SLC61A1: variants seen among roughly 807,000 people sequenced by gnomAD.
The protein encoded by SLC61A1 is solute carrier family 61 member 1.
the SLC61A1 span, chr12:53,252,794 T>G: frequency 6.2e-7 from 1 of 1,608,356 alleles, no homozygotes; most frequent in South Asian, 1.1e-5. Context: ...TGGATATGGC[T>G]CTGACTCCCA....
At chr12:53,252,002 G>A in the SLC61A1 span, 2 of 1,278,698 alleles carry the variant, frequency 1.6e-6, no homozygotes, top group East Asian at 5.9e-5. Context: ...GCCCCTTCCC[G>A]ACCCACCCCA....
At chr12:53,253,433 C>T in the SLC61A1 span, 2 of 1,613,906 alleles carry the variant, frequency 1.2e-6, no homozygotes, top group Non-Finnish European at 1.7e-6. Context: ...AGGGCTGGGG[C>T]CTGTAGCGCC....
the SLC61A1 span, chr12:53,251,426 G>A: frequency 2.7e-6 from 1 of 368,070 alleles, no homozygotes; most frequent in Admixed American, 4.4e-5. Context: ...TACGGAAGCT[G>A]TAGAGAGGTT....
At chr12:53,253,196 A>G in the SLC61A1 span, 1 of 1,614,128 alleles carries the variant, frequency 6.2e-7, no homozygotes, top group Non-Finnish European at 8.5e-7. Flanking sequence ...ATGCTGCTTA[A>G]CCAAACTCTC....
chr12:53,254,027 G>C, the SLC61A1 span: 1 of 1,614,234 alleles, frequency 6.2e-7, no homozygotes, highest in Non-Finnish European at 8.5e-7. Flanking sequence ...TGTCCTCCAT[G>C]ACAGTGATCG....
chr12:53,251,363 C>T, the SLC61A1 span: 1 of 209,848 alleles, frequency 4.8e-6, no homozygotes, highest in East Asian at 1.2e-4. Flanking sequence ...ATAAATACTT[C>T]GGCTTTTACC....
At chr12:53,252,529 G>A in the SLC61A1 span, 57 of 1,372,126 alleles carry the variant, frequency 4.2e-5, no homozygotes, top group Non-Finnish European at 4.4e-5. Context: ...AAGGGCAGTA[G>A]AATTTGCGGG....
chr12:53,252,252 G>A, the SLC61A1 span: 26 of 1,402,632 alleles, frequency 1.9e-5, no homozygotes, highest in South Asian at 9.6e-5. Flanking sequence ...GGGCGTCCCC[G>A]CAGACCGGGG....
the SLC61A1 span, chr12:53,253,493 C>T: frequency 2.4e-5 from 39 of 1,614,124 alleles, no homozygotes; most frequent in African/African-American, 6.7e-5. Context: ...CTTGGCCCTT[C>T]GAAACTGGGG....
the SLC61A1 span, chr12:53,252,511 C>G: frequency 9.5e-4 from 1,291 of 1,353,166 alleles, 6 homozygotes; most frequent in African/African-American, 7.9e-3. Flanking sequence ...ACGGGAGCTG[C>G]TGTGGGAAAG....
chr12:53,254,168 C>G, the SLC61A1 span: 1 of 1,613,932 alleles, frequency 6.2e-7, no homozygotes, highest in Non-Finnish European at 8.5e-7. Flanking sequence ...TACTGAGGAG[C>G]CCTATGCCCC....
At chr12:53,252,138 T>G in the SLC61A1 span, 1 of 1,438,836 alleles carries the variant, frequency 7.0e-7, no homozygotes, top group Non-Finnish European at 9.1e-7. Context: ...CCTGCCCGGC[T>G]CCCGGAAGCA....
At chr12:53,252,110 C>G in the SLC61A1 span, 1 of 1,448,976 alleles carries the variant, frequency 6.9e-7, no homozygotes, top group Non-Finnish European at 9.0e-7. Flanking sequence ...ATGAAGCCAT[C>G]ATGGCGGCGG....
the SLC61A1 span, chr12:53,251,646 G>T: frequency 1.3e-5 from 18 of 1,368,406 alleles, no homozygotes; most frequent in African/African-American, 2.5e-4. Flanking sequence ...GGGCAGGACT[G>T]CGCCTTAGTC....
chr12:53,254,169 C>G, the SLC61A1 span: 1 of 1,613,944 alleles, frequency 6.2e-7, no homozygotes, highest in African/African-American at 1.3e-5. Flanking sequence ...ACTGAGGAGC[C>G]CTATGCCCCT....
chr12:53,252,061 G>T, the SLC61A1 span: 3 of 1,460,208 alleles, frequency 2.1e-6, no homozygotes, highest in South Asian at 4.1e-5. Flanking sequence ...CGGGCGGGCG[G>T]GGCGGGGCGG....
the SLC61A1 span, chr12:53,253,296 A>C: frequency 2.5e-6 from 4 of 1,614,232 alleles, no homozygotes; most frequent in Non-Finnish European, 3.4e-6. Context: ...TGGTATATCC[A>C]TGAGCACGTG....
the SLC61A1 span, chr12:53,252,562 C>T: frequency 7.3e-7 from 1 of 1,369,918 alleles, no homozygotes; most frequent in Middle Eastern, 2.7e-4. Context: ...GAAAGGGACT[C>T]CCTCTTCACA....
chr12:53,252,028 G>A, the SLC61A1 span: 1 of 1,418,654 alleles, frequency 7.0e-7, no homozygotes, highest in East Asian at 3.3e-5. Flanking sequence ...CAGGAGTTCC[G>A]CGCCCGGGTA....
Sources: allele counts gnomAD v4.1 joint callset, GRCh38; gene constraint gnomAD v4.1.1; transcripts MANE v1.5; gene names NCBI Gene and HGNC (gene_info 2026-07-23, HGNC 2026-07-21).